LHFPL3: variants seen among roughly 807,000 people sequenced by gnomAD.
LHFPL3 encodes the protein LHFPL tetraspan subfamily member 3, also known as LHFPL tetraspan subfamily member 3 protein.
LHFPL3 carries 5 observed loss-of-function variants against 19.3 expected under a neutral mutation model. The observed-to-expected ratio is 0.26, with a 90% CI of 0.14 to 0.54. The LOEUF is 0.54. LHFPL3 is among the 20% of genes least tolerant of loss of function. The pLI is 0.94. For synonymous variants in LHFPL3, 133 were observed against 126.2 expected, an observed-to-expected ratio of 1.05 and a Z score of -0.36; for missense variants, 249 against 307.4, an observed-to-expected ratio of 0.81 and a Z score of 1.42.
At chr7:104,787,466 A>G (rs1239488182) in intron 2 of LHFPL3, among the ~76,000 whole-genome samples, 1 of 152,206 alleles carries the variant, frequency 6.6e-6, no homozygotes, top group Admixed American at 6.5e-5. Context: ...TAAGGCACCA[A>G]CAGATATGGT....
At chr7:104,362,233 T>C (rs576589176) in intron 1 of LHFPL3, among the ~76,000 whole-genome samples, 18 of 152,218 alleles carry the variant, frequency 1.2e-4, no homozygotes, top group Admixed American at 9.8e-4. Context: ...GCCAAAGGTG[T>C]ATTATTGAGC....
At chr7:104,437,248 A>G (rs1364789896) in intron 1 of LHFPL3, among the ~76,000 whole-genome samples, 5 of 152,208 alleles carry the variant, frequency 3.3e-5, no homozygotes, top group African/African-American at 1.2e-4. Context: ...ATTTGAAACT[A>G]TTGTGGAGAT....
intron 1 of LHFPL3, among the ~76,000 whole-genome samples, chr7:104,562,331 A>G (rs986108655): frequency 7.0e-4 from 107 of 152,262 alleles, no homozygotes; most frequent in African/African-American, 2.5e-3. Context: ...AATCAGACAT[A>G]GATTTGGTCT....
chr7:104,603,130 CTTTTTTCCCTT>C (rs1562947531), intron 1 of LHFPL3, among the ~76,000 whole-genome samples: 9 of 98,770 alleles, frequency 9.1e-5, no homozygotes, highest in African/African-American at 2.9e-4. Context: ...TTCTTTCTTT[CTTTTTTCCCTT>C]CCTTCCTTCC....
intron 1 of LHFPL3, among the ~76,000 whole-genome samples, chr7:104,565,472 T>C (rs1318285694): frequency 2.0e-5 from 3 of 152,218 alleles, no homozygotes; most frequent in Non-Finnish European, 2.9e-5. Context: ...AAAACAGTTT[T>C]TGTTCAGCAG....
At chr7:104,408,557 G>A (rs1180193944) in intron 1 of LHFPL3, among the ~76,000 whole-genome samples, 1 of 152,152 alleles carries the variant, frequency 6.6e-6, no homozygotes, top group African/African-American at 2.4e-5. Context: ...AAATTGAGCA[G>A]ATCATCTCTG....
chr7:104,824,794 CTG>C (rs1790784382), intron 2 of LHFPL3, among the ~76,000 whole-genome samples: 3 of 115,016 alleles, frequency 2.6e-5, no homozygotes, highest in Non-Finnish European at 5.0e-5. Flanking sequence ...TCAAACTTCT[CTG>C]TTTCAAAAAA....
intron 1 of LHFPL3, among the ~76,000 whole-genome samples, chr7:104,619,841 A>G (rs889980182): frequency 8.5e-5 from 13 of 152,310 alleles, no homozygotes; most frequent in Admixed American, 5.9e-4. Context: ...TAAGACAATT[A>G]TTCCACAGAT....
intron 1 of LHFPL3, among the ~76,000 whole-genome samples, chr7:104,562,055 G>C (rs1790016700): frequency 6.6e-6 from 1 of 152,018 alleles, no homozygotes; most frequent in Non-Finnish European, 1.5e-5. Flanking sequence ...GAGATCCGCT[G>C]TTAGTCTGAT....
At chr7:104,454,147 A>G (rs1792497138) in intron 1 of LHFPL3, among the ~76,000 whole-genome samples, 1 of 152,144 alleles carries the variant, frequency 6.6e-6, no homozygotes, top group Non-Finnish European at 1.5e-5. Context: ...AAAGAGGGAG[A>G]TGGAGATTGG....
At chr7:104,639,268 G>C (rs1298369226) in intron 1 of LHFPL3, among the ~76,000 whole-genome samples, 1 of 152,052 alleles carries the variant, frequency 6.6e-6, no homozygotes, top group African/African-American at 2.4e-5. Flanking sequence ...TTATTGGTCT[G>C]TTCAGGAATT....
rs575781229 is a variant in LHFPL3 at position 104,868,923 on chromosome 7, A to G, written c.683-37264A>G. Among the ~76,000 whole-genome samples, 1,396 of 152,322 alleles carry G rather than the reference A, an allele frequency of 9.2e-3. 22 individuals carry two copies. Among genetic ancestry groups the G allele is most frequent in the African/African-American group, 0.031 (1,286 of 41,566 alleles). The stretch of plus-strand genomic sequence containing the variant: ...ACAGAGCCCTCAGAAATAATGCTGC[A>G]TATCTACAACCATCTGATCTTTGAC... On this transcript the variant is annotated intron_variant, in intron 2 of 2. Transcript: ENST00000424859.
At chr7:104,553,901 T>C (rs1355938709) in intron 1 of LHFPL3, among the ~76,000 whole-genome samples, 4 of 152,188 alleles carry the variant, frequency 2.6e-5, no homozygotes, top group African/African-American at 9.6e-5. Context: ...GCTGTGTGAA[T>C]GTGAGTTATT....
chr7:104,402,101 A>G (rs74989125), intron 1 of LHFPL3, among the ~76,000 whole-genome samples: 1 of 151,620 alleles, frequency 6.6e-6, no homozygotes, highest in African/African-American at 2.4e-5. Context: ...AAAAAAAAAA[A>G]CAAAAAACAA....
At chr7:104,617,034 C>A (rs572106873) in intron 1 of LHFPL3, among the ~76,000 whole-genome samples, 2 of 152,232 alleles carry the variant, frequency 1.3e-5, no homozygotes, top group African/African-American at 4.8e-5. Context: ...GAAATAGGAA[C>A]ACTTTTACAC....
intron 2 of LHFPL3, among the ~76,000 whole-genome samples, chr7:104,829,827 A>G (rs1375904967): frequency 3.9e-5 from 6 of 151,902 alleles, no homozygotes; most frequent in Non-Finnish European, 5.9e-5. Context: ...ATGATTTATA[A>G]TCCTTTGGGT....
chr7:104,561,517 T>C (rs753229230), intron 1 of LHFPL3, among the ~76,000 whole-genome samples: 1 of 151,042 alleles, frequency 6.6e-6, no homozygotes, highest in East Asian at 1.9e-4. Context: ...CTGCCTTTTT[T>C]TGTTTTCCAT....
intron 1 of LHFPL3, among the ~76,000 whole-genome samples, chr7:104,362,671 A>T (rs189768844): frequency 6.6e-6 from 1 of 152,214 alleles, no homozygotes; most frequent in Admixed American, 6.5e-5. Context: ...ACAGAGAAAG[A>T]GTTTAATACT....
At chr7:104,818,780 TTCTCTC>T (rs147373563) in intron 2 of LHFPL3, among the ~76,000 whole-genome samples, 2,571 of 148,420 alleles carry the variant, frequency 0.017, 73 homozygotes, top group African/African-American at 0.06. Context: ...CCTTTCTCCT[TTCTCTC>T]TCTCTCTCTC....
Sources: gnomAD v4.1 joint callset for allele counts (sites outside exome capture counted in the v4.1 genomes callset) on GRCh38, gnomAD v4.1.1 for gene constraint, MANE v1.5 for transcripts, NCBI Gene and HGNC (gene_info 2026-07-23, HGNC 2026-07-21) for gene names.